TTC7B: variants seen among roughly 807,000 people sequenced by gnomAD.
The protein encoded by TTC7B is tetratricopeptide repeat protein 7B.
TTC7B carries 28 observed loss-of-function variants against 106.8 expected under a neutral mutation model. The ratio of observed to expected loss-of-function variants is 0.26; its 90% CI spans 0.19 to 0.36. The LOEUF is 0.36. Among genes scored for constraint, TTC7B ranks in the 10% least tolerant of loss-of-function variants. TTC7B has a pLI of 1.00. For missense variants in TTC7B, 862 were observed against 1,076.4 expected (o/e 0.80, Z 2.79); for synonymous variants, 405 against 430.6 (o/e 0.94, Z 0.74).
chr14:90,781,235 G>C (rs982777485), intron 2 of TTC7B, among the ~76,000 whole-genome samples: 5 of 152,228 alleles, frequency 3.3e-5, no homozygotes, highest in Admixed American at 3.3e-4. Flanking sequence ...GCTTCCACGT[G>C]TATGAAATGT....
intron 1 of TTC7B, among the ~76,000 whole-genome samples, chr14:90,792,662 G>A (rs1294823887): frequency 6.6e-6 from 1 of 152,084 alleles, no homozygotes; most frequent in African/African-American, 2.4e-5. Context: ...CTCAGAATTA[G>A]GAGACACAGT....
At chr14:90,667,461 A>G (rs1886455961) in intron 9 of TTC7B, among the ~76,000 whole-genome samples, 1 of 152,092 alleles carries the variant, frequency 6.6e-6, no homozygotes, top group South Asian at 2.1e-4. Flanking sequence ...ATACACCATC[A>G]ATTTGGTGAG....
intron 18 of TTC7B, among the ~76,000 whole-genome samples, chr14:90,580,660 A>G (rs2139807763): frequency 1.3e-5 from 2 of 152,248 alleles, no homozygotes; most frequent in East Asian, 1.9e-4. Context: ...ACTTGTGTCA[A>G]TTCTATGGCC....
intron 5 of TTC7B, among the ~76,000 whole-genome samples, chr14:90,718,205 A>G (rs1888735298): frequency 6.6e-6 from 1 of 152,218 alleles, no homozygotes; most frequent in Non-Finnish European, 1.5e-5. Flanking sequence ...CTCAACAACT[A>G]AACCAGGGAA....
chr14:90,632,111 G>A (rs1031110990), intron 15 of TTC7B, among the ~76,000 whole-genome samples: 4 of 152,090 alleles, frequency 2.6e-5, no homozygotes, highest in African/African-American at 9.7e-5. Context: ...CCTCCCTACT[G>A]GTATCCCTGG....
intron 3 of TTC7B, among the ~76,000 whole-genome samples, chr14:90,756,868 G>A (rs1005508299): frequency 6.6e-5 from 10 of 152,010 alleles, no homozygotes; most frequent in African/African-American, 2.2e-4. Flanking sequence ...ATGAGGAGCC[G>A]ACTAACACAA....
chr14:90,795,349 A>C (rs1306257678), intron 1 of TTC7B, among the ~76,000 whole-genome samples: 3 of 152,228 alleles, frequency 2.0e-5, no homozygotes, highest in Non-Finnish European at 4.4e-5. Flanking sequence ...GCAACACAGA[A>C]GCGGGGACCT....
At position 90,578,660 on chromosome 14, in the gene TTC7B, T is replaced by C. The variant is rs1176942994; in HGVS notation, c.2108-352A>G. Among the ~76,000 whole-genome samples, 1 of 151,794 alleles carries C rather than the reference T, an allele frequency of 6.6e-6. No individual in the cohort carries two copies. The highest frequency in any genetic ancestry group is 1.5e-5 in the Non-Finnish European group (1 of 67,956). On this transcript the variant is annotated intron_variant, in intron 18 of 19. Coordinates refer to ENST00000328459, the MANE Select transcript of TTC7B (RefSeq NM_001010854.2). The surrounding 1 kb of genome is among the most constrained non-coding windows in gnomAD (Gnocchi z 4.7). ...AGGCTGGCCCGGTCCAACCCTTGGCTCTGACCCCCATAGAAAAAGGGCCAG... is the reference window on the plus strand; with the variant it reads ...AGGCTGGCCCGGTCCAACCCTTGGCCCTGACCCCCATAGAAAAAGGGCCAG...
At chr14:90,794,846 G>C (rs1891720398) in intron 1 of TTC7B, among the ~76,000 whole-genome samples, 1 of 152,114 alleles carries the variant, frequency 6.6e-6, no homozygotes, top group African/African-American at 2.4e-5. Flanking sequence ...AACATCAAGA[G>C]TCAGGCCAAA....
chr14:90,608,401 G>C lies in TTC7B; in HGVS notation c.1966+2341C>G, dbSNP rs1366326089. On this transcript the variant is annotated intron_variant, in intron 17 of 19. Coordinates refer to ENST00000328459, the MANE Select transcript of TTC7B (RefSeq NM_001010854.2). This position sits in a 1 kb window ranked among gnomAD's most constrained non-coding sequence, Gnocchi z 5.1. ...CCTGGTTGGGTCGGGGGTGGTGTAG[G>C]GCTGGTGGCAGGAGTCTCAGAAGGA... 2.0e-5 allele frequency among the ~76,000 whole-genome samples: 3 copies of C among 151,298 alleles called. No individual in the cohort carries two copies. The highest frequency in any genetic ancestry group is 1.9e-4 in the East Asian group (1 of 5,158).
At chr14:90,735,716 T>TTTA (rs374115722) in intron 4 of TTC7B, among the ~76,000 whole-genome samples, 4 of 150,748 alleles carry the variant, frequency 2.7e-5, no homozygotes, top group Non-Finnish European at 4.4e-5. Context: ...TTTTTTTTTT[T>TTTA]AAAAAACCTA....
chr14:90,750,229 C>G lies in TTC7B; in HGVS notation c.446-5307G>C, dbSNP rs191490998. Among the ~76,000 whole-genome samples the G allele has an allele frequency of 2.0e-3, 298 of 152,332 alleles. 5 individuals are homozygous for G. Among genetic ancestry groups the G allele is most frequent in the African/African-American group, 7.0e-3 (290 of 41,574 alleles). On this transcript the variant is annotated intron_variant, in intron 3 of 19. Coordinates refer to ENST00000328459, the MANE Select transcript of TTC7B (RefSeq NM_001010854.2). ...CCAAAAACAACACAAAGAGATAGAT[C>G]ATTTCATAGTCTGCCTTCTGCTTAT... is the stretch of plus-strand genomic sequence containing the variant.
At chr14:90,632,710 G>A (rs184202436) in intron 15 of TTC7B, among the ~76,000 whole-genome samples, 63 of 152,354 alleles carry the variant, frequency 4.1e-4, no homozygotes, top group African/African-American at 1.5e-3. Flanking sequence ...GATTGCCTGG[G>A]TTGAAATCAT....
intron 3 of TTC7B, among the ~76,000 whole-genome samples, chr14:90,769,043 G>A (rs910712154): frequency 6.6e-6 from 1 of 152,156 alleles, no homozygotes; most frequent in Admixed American, 6.5e-5. Flanking sequence ...GTAACAGAAA[G>A]GGGTGGGGAT....
chr14:90,793,006 C>T (rs1372835304), intron 1 of TTC7B, among the ~76,000 whole-genome samples: 2 of 152,046 alleles, frequency 1.3e-5, no homozygotes, highest in Non-Finnish European at 2.9e-5. Flanking sequence ...AAAGGAGGGA[C>T]CTGGTAGGAG....
chr14:90,540,437 A>C lies in TTC7B; in HGVS notation c.*931T>G, dbSNP rs990137785. 6.6e-6 allele frequency: 1 copy of C among 152,560 alleles called. No homozygotes were observed. Among genetic ancestry groups the C allele is most frequent in the Non-Finnish European group, 1.5e-5 (1 of 68,086 alleles). The allele number at this position is 152,560 out of a possible 1,614,324, so 9.5% of individuals were successfully genotyped here. Reference sequence around the variant, plus strand: ...AGTGAGACCCTGTCTCCAAAAAATAAAAATAAAATAAGTGGGGAAAGAGAG... The same window carrying C: ...AGTGAGACCCTGTCTCCAAAAAATACAAATAAAATAAGTGGGGAAAGAGAG... On this transcript the variant is annotated 3_prime_UTR_variant, in exon 20 of 20. Transcript: ENST00000328459.
chr14:90,645,664 A>T (rs1472695521), intron 14 of TTC7B, among the ~76,000 whole-genome samples: 1 of 152,242 alleles, frequency 6.6e-6, no homozygotes, highest in Non-Finnish European at 1.5e-5. Flanking sequence ...CGAAAGGCAA[A>T]GCATAGGCAT....
intron 4 of TTC7B, among the ~76,000 whole-genome samples, chr14:90,730,897 G>A (rs1889299163): frequency 6.6e-6 from 1 of 152,204 alleles, no homozygotes; most frequent in African/African-American, 2.4e-5. Context: ...CAACTAATCA[G>A]GAGGAAGACT....
chr14:90,685,016 T>C (rs979052074), intron 7 of TTC7B, among the ~76,000 whole-genome samples: 1 of 152,172 alleles, frequency 6.6e-6, no homozygotes, highest in Non-Finnish European at 1.5e-5. Context: ...ACATTGTATT[T>C]CCTTTCAAAT....
Sources: allele counts gnomAD v4.1 joint callset (sites outside exome capture counted in the v4.1 genomes callset), GRCh38; gene constraint gnomAD v4.1.1; non-coding constraint Gnocchi (gnomAD v3.1); transcripts MANE v1.5; gene names NCBI Gene and HGNC (gene_info 2026-07-23, HGNC 2026-07-21).